The following DAB1 variants were observed in gnomAD, a reference collection of about 807,000 sequenced individuals.
DAB1 encodes the protein DAB adaptor protein 1, also known as disabled homolog 1.
A neutral mutation model predicts 64.6 loss-of-function variants in DAB1; 15 were observed. The ratio of observed to expected loss-of-function variants is 0.23; its 90% CI spans 0.16 to 0.36. DAB1 has a LOEUF of 0.36. Among genes scored for constraint, DAB1 ranks in the 10% least tolerant of loss-of-function variants. The probability of loss-of-function intolerance (pLI) is 1.00; values close to 1 mark genes in which losing one functional copy is unlikely to be tolerated. For missense variants in DAB1, 596 were observed against 706.7 expected, an observed-to-expected ratio of 0.84 and a Z score of 1.78; for synonymous variants, 235 against 251.9, an observed-to-expected ratio of 0.93 and a Z score of 0.64.
At chr1:57,424,333 A>ACGAG (rs548471057), upstream of DAB1, among the ~76,000 whole-genome samples, 110 of 145,044 alleles carry the variant, frequency 7.6e-4, no homozygotes, top group African/African-American at 1.3e-3. Flanking sequence ...AGGTGGAAGA[A>ACGAG]CGAGCGAGCG....
chr1:57,300,300 C>G (rs1673534668), intron 1 of DAB1, among the ~76,000 whole-genome samples: 1 of 152,138 alleles, frequency 6.6e-6, no homozygotes, highest in Admixed American at 6.6e-5. Context: ...GAAAAAGAGA[C>G]AGTGATTGCA....
At chr1:57,669,797 A>G (rs967014871) in intron 6 of DAB1, among the ~76,000 whole-genome samples, 2 of 152,170 alleles carry the variant, frequency 1.3e-5, no homozygotes, top group African/African-American at 4.8e-5. Context: ...TTATTTAAGC[A>G]TAACATGACA....
At chr1:57,423,588 G>A (rs1486052728) in intron 1 of DAB1, among the ~76,000 whole-genome samples, 2 of 152,054 alleles carry the variant, frequency 1.3e-5, no homozygotes, top group Non-Finnish European at 2.9e-5. Flanking sequence ...AGGAAAGAGG[G>A]CGCAGGGGGT....
At chr1:58,032,040 T>G (rs1457973605) in intron 5 of DAB1, among the ~76,000 whole-genome samples, 1 of 121,738 alleles carries the variant, frequency 8.2e-6, no homozygotes, top group Non-Finnish European at 1.8e-5. Flanking sequence ...GTGTGTGTGT[T>G]TAATCTGACC....
chr1:57,658,142 C>A (rs1042476841), intron 6 of DAB1, among the ~76,000 whole-genome samples: 1 of 152,100 alleles, frequency 6.6e-6, no homozygotes, highest in South Asian at 2.1e-4. Context: ...TGGAGGAAAG[C>A]CCACGTACAC....
At chr1:58,131,828 G>A (rs1275002551) in intron 5 of DAB1, among the ~76,000 whole-genome samples, 6 of 150,008 alleles carry the variant, frequency 4.0e-5, no homozygotes, top group Non-Finnish European at 8.9e-5. Flanking sequence ...CAGATCTCCA[G>A]CTGCTTGCTG....
At chr1:58,277,947 G>A (rs1223852222) in intron 4 of DAB1, among the ~76,000 whole-genome samples, 3 of 152,170 alleles carry the variant, frequency 2.0e-5, no homozygotes, top group African/African-American at 7.2e-5. Context: ...CACACCAGGG[G>A]CTTTTTCACA....
chr1:57,086,075 A>G lies in DAB1; in HGVS notation c.307-13661T>C, dbSNP rs61765271. ...GCTGGGCAGTGAGTGACAGTCTTTG[A>G]AGGTGACAAGACAGGCAGGGGTCAG... is the stretch of plus-strand genomic sequence containing the variant. On this transcript the variant is annotated intron_variant, in intron 4 of 14. Transcript: ENST00000371236. 2.3e-3 allele frequency among the ~76,000 whole-genome samples: 354 copies of G among 152,286 alleles called. 1 individual carries two copies. The highest frequency in any genetic ancestry group is 4.0e-3 in the Non-Finnish European group (269 of 68,006).
At chr1:57,541,984 G>A (rs527611858) in intron 7 of DAB1, among the ~76,000 whole-genome samples, 3 of 152,134 alleles carry the variant, frequency 2.0e-5, no homozygotes, top group Non-Finnish European at 4.4e-5. Flanking sequence ...ATCCTAGGGT[G>A]GGGGAGGGTG....
At chr1:57,734,220 C>A (rs1233274573) in intron 6 of DAB1, among the ~76,000 whole-genome samples, 1 of 152,202 alleles carries the variant, frequency 6.6e-6, no homozygotes, top group African/African-American at 2.4e-5. Flanking sequence ...CACCTCACTG[C>A]TCTGAACCCA....
In DAB1 at chr1:57,320,510, C is replaced by A. The variant is rs986232864; in HGVS notation, c.-136-29344G>T. On this transcript the variant is annotated intron_variant, in intron 1 of 14. Transcript: ENST00000371236. Reference sequence around the variant, plus strand: ...AGACATGCATTCCCCCAAGTCTTGCCTACTATTTCAGGAGAATCAAAGATT... The same window carrying A: ...AGACATGCATTCCCCCAAGTCTTGCATACTATTTCAGGAGAATCAAAGATT... Among the ~76,000 whole-genome samples, 14 of 152,200 alleles carry A rather than the reference C, an allele frequency of 9.2e-5. No homozygotes were observed. The East Asian group carries it at 2.7e-3, about 29-fold the overall frequency.
At chr1:58,405,348 TG>T (rs1644606211) in intron 3 of DAB1, among the ~76,000 whole-genome samples, 1 of 152,176 alleles carries the variant, frequency 6.6e-6, no homozygotes, top group South Asian at 2.1e-4. Context: ...AGAGCACTGA[TG>T]ATCATAACCT....
At chr1:57,385,209 G>C (rs554204795) in intron 1 of DAB1, among the ~76,000 whole-genome samples, 3 of 152,320 alleles carry the variant, frequency 2.0e-5, no homozygotes, top group South Asian at 4.1e-4. Context: ...CTGCCAATCA[G>C]TGCAAATAAA....
chr1:58,364,753 A>G (rs1186140219), intron 3 of DAB1, among the ~76,000 whole-genome samples: 1 of 152,244 alleles, frequency 6.6e-6, no homozygotes, highest in Non-Finnish European at 1.5e-5. Context: ...AGGGGAAAAA[A>G]TCCACATAAC....
At chr1:57,821,534 C>T (rs181196786), downstream of DAB1, among the ~76,000 whole-genome samples, 1 of 152,142 alleles carries the variant, frequency 6.6e-6, no homozygotes, top group South Asian at 2.1e-4. Context: ...CTTTCACAAC[C>T]ATTTGGGAGC....
intron 5 of DAB1, among the ~76,000 whole-genome samples, chr1:58,147,473 C>T (rs1169988890): frequency 6.6e-6 from 1 of 151,580 alleles, no homozygotes; most frequent in African/African-American, 2.4e-5. Context: ...AAAAAATTAG[C>T]CAGGCGTGGT....
intron 5 of DAB1, among the ~76,000 whole-genome samples, chr1:57,949,646 C>T (rs1053395901): frequency 6.6e-6 from 1 of 152,052 alleles, no homozygotes; most frequent in African/African-American, 2.4e-5. Flanking sequence ...AAAATGGAAT[C>T]CTACTGTATG....
In DAB1 at chr1:58,117,518, C is replaced by A. The variant is rs770285115; in HGVS notation, n.387+32993G>T. Among the ~76,000 whole-genome samples the A allele has an allele frequency of 5.4e-4, 82 of 152,194 alleles. 1 individual carries two copies. The highest frequency in any genetic ancestry group is 1.1e-3 in the Non-Finnish European group (77 of 68,026). On this transcript the variant is annotated intron_variant and non_coding_transcript_variant, in intron 5 of 20. Coordinates refer to the DAB1 transcript ENST00000485760. ...GGTATTGCTCATGTCCAAATCCTGGCACTTCCATCAGGGACCTCTTTCCCA... is the reference window on the plus strand; with the variant it reads ...GGTATTGCTCATGTCCAAATCCTGGAACTTCCATCAGGGACCTCTTTCCCA...
intron 7 of DAB1, among the ~76,000 whole-genome samples, chr1:57,499,165 A>G (rs536684257): frequency 5.3e-4 from 81 of 152,208 alleles, no homozygotes; most frequent in African/African-American, 1.8e-3. Flanking sequence ...TAGTAGACAC[A>G]TGGTTTCACC....
Sources: allele counts gnomAD v4.1 joint callset (sites outside exome capture counted in the v4.1 genomes callset), GRCh38; gene constraint gnomAD v4.1.1; transcripts MANE v1.5; gene names NCBI Gene and HGNC (gene_info 2026-07-23, HGNC 2026-07-21).